The following SHTN1 variants were observed in gnomAD, a reference collection of about 807,000 sequenced individuals.
SHTN1 encodes shootin 1.
A neutral mutation model predicts 83.1 loss-of-function variants in SHTN1; 42 were observed. That is an observed-to-expected ratio of 0.51 (90% CI 0.39 to 0.65). The LOEUF (loss-of-function observed/expected upper bound fraction) is 0.65. Ranked by LOEUF, SHTN1 falls within the 30% of genes least tolerant of loss-of-function variation. SHTN1 has a pLI of 0.00. For synonymous variants in SHTN1, 224 were observed against 247.7 expected (o/e 0.90, Z 0.90); for missense variants, 622 against 737.8 (o/e 0.84, Z 1.82).
At chr10:116,966,866 A>G (rs1245151632) in intron 3 of SHTN1, among the ~76,000 whole-genome samples, 2 of 152,240 alleles carry the variant, frequency 1.3e-5, no homozygotes, top group African/African-American at 2.4e-5. Flanking sequence ...AGTACATTCC[A>G]TAAGTAAAAA....
chr10:117,043,221 C>T (rs1852611494), intron 2 of SHTN1, among the ~76,000 whole-genome samples: 2 of 151,932 alleles, frequency 1.3e-5, no homozygotes, highest in Non-Finnish European at 2.9e-5. Flanking sequence ...TCAACCTCCG[C>T]CTCCCAGGTT....
chr10:117,032,080 C>G (rs1852423399), intron 2 of SHTN1, among the ~76,000 whole-genome samples: 1 of 151,736 alleles, frequency 6.6e-6, no homozygotes, highest in African/African-American at 2.4e-5. Flanking sequence ...AAATGGAAAC[C>G]AAAAAGGAGC....
intron 4 of SHTN1, among the ~76,000 whole-genome samples, chr10:116,956,989 C>T (rs1381067027): frequency 6.6e-6 from 1 of 151,982 alleles, no homozygotes. Flanking sequence ...GATCATAGCT[C>T]ACCACAGCCT....
chr10:116,952,251 T>C (rs897894552), intron 5 of SHTN1, among the ~76,000 whole-genome samples: 2 of 152,182 alleles, frequency 1.3e-5, no homozygotes, highest in African/African-American at 4.8e-5. Flanking sequence ...CCAGATCATG[T>C]TTTCTTTGCA....
chr10:116,936,316 A>G (rs1849159201), intron 9 of SHTN1, among the ~76,000 whole-genome samples: 4 of 152,116 alleles, frequency 2.6e-5, no homozygotes, highest in Admixed American at 6.5e-5. Flanking sequence ...AGTGCTATAA[A>G]TTTCCCTCTA....
intron 1 of SHTN1, among the ~76,000 whole-genome samples, chr10:116,984,859 C>T (rs1253169714): frequency 6.6e-6 from 1 of 152,180 alleles, no homozygotes; most frequent in Non-Finnish European, 1.5e-5. Flanking sequence ...CATTCAGCCT[C>T]AAAGGCCACA....
intron 16 of SHTN1, among the ~76,000 whole-genome samples, chr10:116,888,881 C>T (rs1483414665): frequency 6.6e-6 from 1 of 152,204 alleles, no homozygotes; most frequent in Non-Finnish European, 1.5e-5. Context: ...TGAAAACAAA[C>T]AGGTGAGGAG....
chr10:117,107,473 T>C (rs1349041661), intron 1 of SHTN1, among the ~76,000 whole-genome samples: 1 of 152,018 alleles, frequency 6.6e-6, no homozygotes, highest in Non-Finnish European at 1.5e-5. Context: ...AACACATATC[T>C]ACCCTCGCAT....
At chr10:116,899,546 T>TGTGTGAGA (rs1311755308) in intron 16 of SHTN1, among the ~76,000 whole-genome samples, 1 of 123,804 alleles carries the variant, frequency 8.1e-6, no homozygotes, top group African/African-American at 2.9e-5. Flanking sequence ...TGTGTGTGTG[T>TGTGTGAGA]GAGAGAGTGC....
In SHTN1 at chr10:116,901,808, G is replaced by A. The variant is rs2133324837; in HGVS notation, c.1630C>T (p.Pro544Ser). The change falls in exon 16 of 17, where the codon CCC (proline) becomes TCC (serine). Residue 544 changes from proline (P) to serine (S), a missense_variant. Transcript: ENST00000355371. Reference sequence around the variant, plus strand: ...CTTGTGCATCCTTCCAATTTACGGGGCCCTTCACCTGGCTCAGGTGTTGGG... The same window carrying A: ...CTTGTGCATCCTTCCAATTTACGGGACCCTTCACCTGGCTCAGGTGTTGGG... ...SPPTPEPGEG[P>S]RKLEGCTSSK... 1.2e-6 allele frequency: 2 copies of A among 1,601,618 alleles called. No homozygotes were observed. Among genetic ancestry groups the A allele is most frequent in the Middle Eastern group, 1.7e-4 (1 of 6,018 alleles).
rs1403933863 is a variant in SHTN1, at chr10:116,885,345, A to G, written c.*999T>C. ...AATTTTGAAACAATCAACTTTGAAA[A>G]GCTGCATAAGTTTTTTTTTTAATCC... On this transcript the variant is annotated 3_prime_UTR_variant, in exon 17 of 17. Transcript: ENST00000355371. The G allele has an allele frequency of 6.6e-6, 1 of 152,628 alleles. No individual in the cohort carries two copies. Among genetic ancestry groups the G allele is most frequent in the Admixed American group, 6.5e-5 (1 of 15,282 alleles). 9.5% of individuals were successfully genotyped at this position (152,628 alleles called of 1,614,324 possible).
intron 1 of SHTN1, among the ~76,000 whole-genome samples, chr10:117,091,655 T>C (rs1853432038): frequency 6.6e-6 from 1 of 152,202 alleles, no homozygotes; most frequent in African/African-American, 2.4e-5. Flanking sequence ...CTAACAACAC[T>C]GAATTTCTTG....
intron 1 of SHTN1, among the ~76,000 whole-genome samples, chr10:117,120,279 G>A (rs1403198626): frequency 6.3e-5 from 9 of 141,928 alleles, no homozygotes; most frequent in Admixed American, 4.4e-4. Flanking sequence ...ACTGAGTCTC[G>A]CTCTGTTGCC....
intron 16 of SHTN1, among the ~76,000 whole-genome samples, chr10:116,891,348 G>A (rs1847337030): frequency 6.6e-6 from 1 of 152,170 alleles, no homozygotes; most frequent in African/African-American, 2.4e-5. Context: ...ACACAATCTG[G>A]TGAATCAAAG....
At chr10:116,972,636 C>A (rs1850657966) in intron 2 of SHTN1, among the ~76,000 whole-genome samples, 1 of 152,218 alleles carries the variant, frequency 6.6e-6, no homozygotes, top group African/African-American at 2.4e-5. Context: ...CTACCCTGCT[C>A]ACGCAGCTGC....
intron 16 of SHTN1, among the ~76,000 whole-genome samples, chr10:116,895,495 CT>C (rs1847486946): frequency 6.6e-6 from 1 of 152,172 alleles, no homozygotes; most frequent in Non-Finnish European, 1.5e-5. Context: ...CTGGGTAACA[CT>C]TTCCTCCCTT....
At chr10:117,042,020 T>C (rs1292039098) in intron 2 of SHTN1, among the ~76,000 whole-genome samples, 4 of 152,206 alleles carry the variant, frequency 2.6e-5, no homozygotes, top group South Asian at 2.1e-4. Context: ...TCAGTTAATT[T>C]AGTTTTTGAG....
At chr10:117,059,289 G>A (rs1268089335) in intron 1 of SHTN1, among the ~76,000 whole-genome samples, 1 of 152,106 alleles carries the variant, frequency 6.6e-6, no homozygotes, top group Admixed American at 6.5e-5. Context: ...AGCCACTCTG[G>A]GAAACAGTTT....
intron 1 of SHTN1, among the ~76,000 whole-genome samples, chr10:117,118,998 C>A (rs1853888013): frequency 1.3e-5 from 2 of 151,986 alleles, no homozygotes; most frequent in African/African-American, 4.8e-5. Context: ...ATTATGTAAC[C>A]ATAAAAAAGA....
Sources: gnomAD v4.1 joint callset for allele counts (sites outside exome capture counted in the v4.1 genomes callset) on GRCh38, gnomAD v4.1.1 for gene constraint, MANE v1.5 for transcripts, NCBI Gene and HGNC (gene_info 2026-07-23, HGNC 2026-07-21) for gene names.